The following MYCBP2 variants were observed in gnomAD, a reference collection of about 807,000 sequenced individuals.
MYCBP2 encodes the protein MYC binding protein 2, also known as E3 ubiquitin-protein ligase MYCBP2.
In MYCBP2, 120 loss-of-function variants were observed where a neutral mutation model predicts 525.3. That is an observed-to-expected ratio of 0.23 (90% confidence interval 0.20 to 0.27). The LOEUF is 0.27. Among genes scored for constraint, MYCBP2 ranks in the 10% least tolerant of loss-of-function variants. The pLI is 1.00. For synonymous variants in MYCBP2, 1,894 were observed against 1,955.8 expected, an observed-to-expected ratio of 0.97 and a Z score of 0.83; for missense variants, 4,149 against 5,657.1, an observed-to-expected ratio of 0.73 and a Z score of 8.55.
chr13:77,051,255 C>G, intron 81 of MYCBP2, 93 bp from the exon 82 acceptor site: 2 of 1,157,554 alleles, frequency 1.7e-6, no homozygotes, highest in Admixed American at 5.3e-5. Flanking sequence ...CTCCTTAATT[C>G]ATATTTTGAG....
intron 44 of MYCBP2, among the ~76,000 whole-genome samples, chr13:77,158,918 G>A (rs891273525): frequency 2.6e-5 from 4 of 152,202 alleles, no homozygotes; most frequent in Non-Finnish European, 5.9e-5. Context: ...TTAAGAAGAA[G>A]AGGCAGATAA....
rs1489386161 is a variant in MYCBP2 at position 77,096,059 on chromosome 13, TAC to T, written c.9954+251_9954+252del. Reference sequence around the variant, plus strand: ...TAACAGACAATTAATAATAAAGAGTTACACAACAAATATTTGTCAATAAGGCA... The same window carrying T: ...TAACAGACAATTAATAATAAAGAGTTACAACAAATATTTGTCAATAAGGCA... On this transcript the variant is annotated intron_variant, in intron 57 of 82. Transcript: ENST00000544440. 2.6e-5 allele frequency among the ~76,000 whole-genome samples: 4 copies of T among 151,964 alleles called. No homozygotes were observed. In the East Asian group the frequency reaches 7.7e-4, roughly 29 times the overall value.
intron 16 of MYCBP2, 35 bp from the exon 17 acceptor site, chr13:77,243,195 CAT>C (rs1567027589): frequency 1.4e-6 from 2 of 1,431,584 alleles, no homozygotes; most frequent in South Asian, 2.3e-5. Flanking sequence ...ACAACAACAA[CAT>C]ATATGTTATA....
intron 27 of MYCBP2, among the ~76,000 whole-genome samples, chr13:77,193,608 G>A (rs1460402901): frequency 3.9e-5 from 6 of 152,128 alleles, no homozygotes; most frequent in Non-Finnish European, 8.8e-5. Context: ...GACTGATAAA[G>A]TGTAAGTATC....
chr13:77,301,628 T>G (rs1190612162), intron 1 of MYCBP2, among the ~76,000 whole-genome samples: 1 of 152,104 alleles, frequency 6.6e-6, no homozygotes, highest in Non-Finnish European at 1.5e-5. Flanking sequence ...AAGAAAATCA[T>G]GTTCATTCAT....
At chr13:77,300,055 T>C (rs2078606882) in intron 1 of MYCBP2, among the ~76,000 whole-genome samples, 1 of 152,216 alleles carries the variant, frequency 6.6e-6, no homozygotes, top group Admixed American at 6.5e-5. Context: ...AATGTAGTCA[T>C]AATTTTAAAA....
intron 58 of MYCBP2, 87 bp from the exon 59 acceptor site, chr13:77,093,419 G>T: frequency 8.5e-7 from 1 of 1,173,722 alleles, no homozygotes; most frequent in South Asian, 1.6e-5. Context: ...AGGAAAAGCA[G>T]CACATGTAAA....
intron 1 of MYCBP2, among the ~76,000 whole-genome samples, chr13:77,309,920 T>C (rs1297121219): frequency 1.3e-5 from 2 of 152,174 alleles, no homozygotes; most frequent in Non-Finnish European, 2.9e-5. Flanking sequence ...AAGACCATCC[T>C]GGCCAAGATG....
At chr13:77,166,813 A>C (rs1248105221) in intron 40 of MYCBP2, among the ~76,000 whole-genome samples, 1 of 152,204 alleles carries the variant, frequency 6.6e-6, no homozygotes, top group Non-Finnish European at 1.5e-5. Context: ...AACAAAATCC[A>C]AATTTAAAAA....
At chr13:77,144,619 T>G (rs148460530) in intron 48 of MYCBP2, 59 bp from the exon 49 acceptor site, 7 of 1,078,150 alleles carry the variant, frequency 6.5e-6, no homozygotes, top group Non-Finnish European at 1.0e-5. Flanking sequence ...GTCAACATCA[T>G]TACGATAGTT....
chr13:77,288,245 G>C lies in MYCBP2; in HGVS notation c.510C>G (p.Ala170=). The C allele has an allele frequency of 3.1e-6, 5 of 1,614,082 alleles. No homozygotes were observed. Among genetic ancestry groups the C allele is most frequent in the Non-Finnish European group, 4.2e-6 (5 of 1,180,008 alleles). The stretch of plus-strand genomic sequence containing the variant: ...CACTCTGCACAGAGTTCTTAGATGC[G>C]GCTGCCAATGATATTTCCTTTTTCT... The part of the protein sequence containing the change: ...EWQKKEISLA[A]ASKNSVQSGE... Residue 170 remains alanine (A), a synonymous_variant, in exon 3 of 83, where the codon GCC becomes GCG. Coordinates refer to ENST00000544440, the MANE Select transcript of MYCBP2 (RefSeq NM_015057.5).
At position 77,278,762 on chromosome 13, in the gene MYCBP2, G is replaced by T; in HGVS notation, c.744C>A (p.Val248=). 6.5e-7 allele frequency: 1 copy of T among 1,537,548 alleles called. No individual in the cohort carries two copies. The highest frequency in any genetic ancestry group is 8.7e-7 in the Non-Finnish European group (1 of 1,147,172). ...PEGLQSEPPE[V]LESLFQLLLE... is the part of the protein sequence containing the mutation. ...TGAATGAGCCTTGGCTCTTACCTAG[G>T]ACCTCAGGTGGCTCAGACTGGAGGC... The change falls in exon 4 of 83, where the codon GTC becomes GTA. Residue 248 remains valine, a synonymous_variant. Transcript: ENST00000544440.
chr13:77,314,889 C>T (rs1351661253), intron 1 of MYCBP2, among the ~76,000 whole-genome samples: 1 of 152,008 alleles, frequency 6.6e-6, no homozygotes, highest in Non-Finnish European at 1.5e-5. Flanking sequence ...TCTCTGTACC[C>T]TCTTCTCAAT....
At chr13:77,087,798 A>G (rs889061894) in intron 61 of MYCBP2, 165 bp from the exon 62 acceptor site, 1 of 644,446 alleles carries the variant, frequency 1.6e-6, no homozygotes, top group African/African-American at 1.8e-5. Flanking sequence ...TTTCTTTTTA[A>G]GAGACAGTGT....
chr13:77,258,637 T>C (rs1255524855), intron 13 of MYCBP2, among the ~76,000 whole-genome samples: 1 of 152,184 alleles, frequency 6.6e-6, no homozygotes, highest in Non-Finnish European at 1.5e-5. Flanking sequence ...TTCACTAGTT[T>C]AGGTCTTTTT....
chr13:77,142,545 AT>A (rs1233291657), intron 49 of MYCBP2, among the ~76,000 whole-genome samples: 1 of 152,174 alleles, frequency 6.6e-6, no homozygotes, highest in Non-Finnish European at 1.5e-5. Flanking sequence ...TTTCCCAAAT[AT>A]TTTGGTGAAA....
intron 1 of MYCBP2, among the ~76,000 whole-genome samples, chr13:77,311,987 T>G (rs1043049513): frequency 6.6e-6 from 1 of 152,000 alleles, no homozygotes; most frequent in Non-Finnish European, 1.5e-5. Flanking sequence ...AAAAAATTTT[T>G]GAAAGCAGCT....
intron 15 of MYCBP2, among the ~76,000 whole-genome samples, chr13:77,249,152 T>G (rs781284402): frequency 6.6e-6 from 1 of 151,912 alleles, no homozygotes; most frequent in African/African-American, 2.4e-5. Context: ...AGTTACAGAG[T>G]CTCAGTTTTA....
chr13:77,078,357 C>T (rs1270182040), intron 66 of MYCBP2, among the ~76,000 whole-genome samples: 1 of 152,192 alleles, frequency 6.6e-6, no homozygotes, highest in East Asian at 1.9e-4. Context: ...GTCTCAGACA[C>T]ATGCCTAGAT....
Sources: allele counts gnomAD v4.1 joint callset (sites outside exome capture counted in the v4.1 genomes callset), GRCh38; gene constraint gnomAD v4.1.1; transcripts MANE v1.5; gene names NCBI Gene and HGNC (gene_info 2026-07-23, HGNC 2026-07-21).